Variants in PTPRF observed in about 807,000 individuals in gnomAD.
PTPRF encodes protein tyrosine phosphatase receptor type F.
Under a neutral mutation model 201.8 loss-of-function variants are expected in PTPRF, and 59 were observed. That is an observed-to-expected ratio of 0.29 (90% CI 0.24 to 0.36). PTPRF has a LOEUF of 0.36. Among genes scored for constraint, PTPRF ranks in the 10% least tolerant of loss-of-function variants. The pLI is 1.00. For missense variants in PTPRF, 2,132 were observed against 2,690.5 expected (o/e 0.79, Z 4.59); for synonymous variants, 1,088 against 1,089.7 (o/e 1.00, Z 0.03).
chr1:43,580,467 G>A (rs975554533), intron 7 of PTPRF, among the ~76,000 whole-genome samples: 8 of 152,218 alleles, frequency 5.3e-5, no homozygotes, highest in African/African-American at 1.9e-4. Context: ...ATGAGAGTTG[G>A]GGGCATGGGA....
rs537795113 is a variant in PTPRF at position 43,616,319 on chromosome 1, CG to C, written c.4072-1125del. Among the ~76,000 whole-genome samples, 120 of 151,510 alleles carry C rather than the reference CG, an allele frequency of 7.9e-4. 1 individual carries two copies. Among genetic ancestry groups the C allele is most frequent in the African/African-American group, 2.8e-3 (115 of 41,304 alleles). ...CAGGCACACTGTGGGTCCTCACTAA[CG>C]CTTCGCTATTATCATTATTGCTCTC... On this transcript the variant is annotated intron_variant, in intron 23 of 33. Coordinates refer to ENST00000359947, the MANE Select transcript of PTPRF (RefSeq NM_002840.5).
Position 43,618,689 on chromosome 1 carries a change from G to A in PTPRF, c.4431G>A (p.Val1477=). ...CCGAGACCTGTGGCCTTATTCAGGTGACCCTGTTGGACACAGTGGAGCTGG... is the reference window on the plus strand; with the variant it reads ...CCGAGACCTGTGGCCTTATTCAGGTAACCCTGTTGGACACAGTGGAGCTGG... ...RGTETCGLIQ[V]TLLDTVELAT... is the part of the protein sequence containing the mutation. Residue 1477 remains valine (V), a synonymous_variant, in exon 26 of 34, where the codon GTG becomes GTA. Coordinates refer to ENST00000359947, the MANE Select transcript of PTPRF (RefSeq NM_002840.5). 4 of 1,612,726 alleles carry A rather than the reference G, an allele frequency of 2.5e-6. No individual in the cohort carries two copies. Among genetic ancestry groups the A allele is most frequent in the Middle Eastern group, 1.7e-4 (1 of 6,056 alleles).
intron 11 of PTPRF, among the ~76,000 whole-genome samples, chr1:43,593,440 T>C (rs1388437709): frequency 1.3e-5 from 2 of 152,176 alleles, no homozygotes; most frequent in Non-Finnish European, 2.9e-5. Flanking sequence ...ACTCTGTGGT[T>C]GCTGCTGGGC....
intron 7 of PTPRF, among the ~76,000 whole-genome samples, chr1:43,580,682 G>A (rs1453558329): frequency 6.6e-6 from 1 of 151,686 alleles, no homozygotes; most frequent in Non-Finnish European, 1.5e-5. Flanking sequence ...CTCCAACAGA[G>A]GAGCAGCTGG....
rs1654349056 is a variant in PTPRF, at chr1:43,603,705, G to A, written c.2553G>A (p.Leu851=). ...HPPKELPGEL[L]GYRLQYCRAD... ...CCAAGGAACTGCCTGGCGAGCTGCT[G>A]GGCTACCGGCTGCAGTACTGCCGGG... Residue 851 remains leucine, a synonymous_variant, in exon 16 of 34, where the codon CTG becomes CTA. Coordinates refer to ENST00000359947, the MANE Select transcript of PTPRF (RefSeq NM_002840.5). This position sits in a 1 kb window ranked among gnomAD's most constrained non-coding sequence, Gnocchi z 5.8. The A allele has an allele frequency of 1.9e-6, 3 of 1,613,728 alleles. No homozygotes were observed. The highest frequency in any genetic ancestry group is 2.5e-6 in the Non-Finnish European group (3 of 1,180,026).
At chr1:43,582,838 C>A (rs1453041143) in intron 7 of PTPRF, among the ~76,000 whole-genome samples, 1 of 152,220 alleles carries the variant, frequency 6.6e-6, no homozygotes, top group East Asian at 1.9e-4. Context: ...CGCCTGCTGG[C>A]GGGCCTCAGC....
chr1:43,565,683 G>A (rs1017366384), intron 5 of PTPRF, among the ~76,000 whole-genome samples: 34 of 148,094 alleles, frequency 2.3e-4, no homozygotes, highest in African/African-American at 8.8e-4. Flanking sequence ...ACTGTGCAGG[G>A]CACCCGGTTG....
intron 7 of PTPRF, among the ~76,000 whole-genome samples, chr1:43,580,236 C>T (rs1359044220): frequency 6.6e-6 from 1 of 152,122 alleles, no homozygotes; most frequent in Non-Finnish European, 1.5e-5. Flanking sequence ...GCCTGTCCGA[C>T]TCTTTGGGGC....
chr1:43,526,907 G>A (rs566512381), upstream of PTPRF, among the ~76,000 whole-genome samples: 1 of 152,336 alleles, frequency 6.6e-6, no homozygotes, highest in East Asian at 1.9e-4. Flanking sequence ...TTCTCTGCAA[G>A]GCTGTGGAGC....
chr1:43,590,526 A>T (rs1451738332), intron 8 of PTPRF, among the ~76,000 whole-genome samples: 1 of 152,206 alleles, frequency 6.6e-6, no homozygotes, highest in Non-Finnish European at 1.5e-5. Flanking sequence ...TATCCGGGCC[A>T]GTCCCTAAGG....
chr1:43,619,468 G>A lies in PTPRF; in HGVS notation c.4827G>A (p.Thr1609=), dbSNP rs151189424. The A allele has an allele frequency of 5.0e-6, 8 of 1,613,932 alleles. No homozygotes were observed. The highest frequency in any genetic ancestry group is 2.2e-5 in the East Asian group (1 of 44,892). Residue 1609 remains threonine, a synonymous_variant, in exon 28 of 34, where the codon ACG becomes ACA. Transcript: ENST00000359947. Reference sequence around the variant, plus strand: ...ATGAGGCGCTGCTGGAGGCTGCCACGTGCGGCCACACAGAGGTGCCTGCCC... The same window carrying A: ...ATGAGGCGCTGCTGGAGGCTGCCACATGCGGCCACACAGAGGTGCCTGCCC... ...FIHEALLEAA[T]CGHTEVPARN...
At position 43,588,108 on chromosome 1, in the gene PTPRF, GGC is replaced by G; in HGVS notation, c.680-622_680-621del. 6.6e-6 allele frequency among the ~76,000 whole-genome samples: 1 copy of G among 152,300 alleles called. No homozygotes were observed. Among genetic ancestry groups the G allele is most frequent in the Admixed American group, 6.5e-5 (1 of 15,304 alleles). ...CCTGCCCCTCCCCAGTCCTCCTGAG[GGC>G]AGCCCTTTTGCTTGGGTTCCCAGGT... On this transcript the variant is annotated intron_variant, in intron 7 of 33. Coordinates refer to ENST00000359947, the MANE Select transcript of PTPRF (RefSeq NM_002840.5). The surrounding 1 kb of genome is among the most constrained non-coding windows in gnomAD (Gnocchi z 5.3).
chr1:43,605,301 A>G lies in PTPRF; in HGVS notation c.3247A>G (p.Ser1083Gly), dbSNP rs764765679. Residue 1083 changes from serine to glycine, a missense_variant, in exon 18 of 34, where the codon AGC (serine) becomes GGC (glycine). Coordinates refer to ENST00000359947, the MANE Select transcript of PTPRF (RefSeq NM_002840.5). ...GTTTGTGCTGATGAACCGTGGCAGC[A>G]GCGCAGGGGGCCTGCAGCACCTGGT... Reference protein sequence around the residue: ...YSFVLMNRGSSAGGLQHLVSI... With the variant: ...YSFVLMNRGSGAGGLQHLVSI... 23 of 1,613,236 alleles carry G rather than the reference A, an allele frequency of 1.4e-5. No individual in the cohort carries two copies. The Admixed American group carries it at 3.8e-4, about 27-fold the overall frequency.
At chr1:43,586,858 C>T (rs527665598) in intron 7 of PTPRF, among the ~76,000 whole-genome samples, 14 of 152,326 alleles carry the variant, frequency 9.2e-5, no homozygotes, top group African/African-American at 3.1e-4. Context: ...ATAGTTTCTG[C>T]GGAAGTCCAA....
chr1:43,549,732 G>C (rs528056981), intron 3 of PTPRF, among the ~76,000 whole-genome samples: 3 of 152,186 alleles, frequency 2.0e-5, no homozygotes, highest in East Asian at 3.9e-4. Context: ...GTGTGCACCT[G>C]TGGTCCCAGC....
At chr1:43,564,332 G>C (rs1041878066) in intron 5 of PTPRF, among the ~76,000 whole-genome samples, 1 of 152,250 alleles carries the variant, frequency 6.6e-6, no homozygotes, top group South Asian at 2.1e-4. Context: ...TCTGTGGAGC[G>C]GCTGAAGGGC....
Position 43,557,922 on chromosome 1 carries a change from G to A in PTPRF, c.379+3981G>A, listed in dbSNP as rs992693275. On this transcript the variant is annotated intron_variant, in intron 5 of 33. Transcript: ENST00000359947. ...ATTGGGCTTGACAGAAAGGCGTGCC[G>A]CAGGAGGGCCAGAGGGAAGCAGCCC... is the stretch of plus-strand genomic sequence containing the variant. Among the ~76,000 whole-genome samples the A allele has an allele frequency of 3.9e-5, 6 of 152,328 alleles. No individual in the cohort carries two copies. The East Asian group carries it at 7.7e-4, about 20-fold the overall frequency.
Position 43,573,828 on chromosome 1 carries a change from G to C in PTPRF, c.568+4050G>C, listed in dbSNP as rs112476541. ...CTGGAAGAGCTGAGGCCAGGAGCGA[G>C]GGATGCCAGCCCTGGACCATATCCA... On this transcript the variant is annotated intron_variant, in intron 6 of 33. Transcript: ENST00000359947. 2.6e-5 allele frequency among the ~76,000 whole-genome samples: 4 copies of C among 152,204 alleles called. 1 individual carries two copies. The highest frequency in any genetic ancestry group is 9.6e-5 in the African/African-American group (4 of 41,504).
chr1:43,571,296 C>T (rs915373128), intron 6 of PTPRF, among the ~76,000 whole-genome samples: 6 of 152,210 alleles, frequency 3.9e-5, no homozygotes, highest in Admixed American at 6.5e-5. Flanking sequence ...GCAGCAGCAT[C>T]TTCCCTTCCA....
Sources: allele counts gnomAD v4.1 joint callset (sites outside exome capture counted in the v4.1 genomes callset), GRCh38; gene constraint gnomAD v4.1.1; non-coding constraint Gnocchi (gnomAD v3.1); transcripts MANE v1.5; gene names NCBI Gene and HGNC (gene_info 2026-07-23, HGNC 2026-07-21).